The following PRKDC variants were observed in gnomAD, a reference collection of about 807,000 sequenced individuals.
The protein encoded by PRKDC is protein kinase, DNA-activated, catalytic subunit.
PRKDC carries 82 observed loss-of-function variants against 486.9 expected under a neutral mutation model. The observed-to-expected ratio is 0.17, with a 90% CI of 0.14 to 0.20. The LOEUF is 0.20. Among genes scored for constraint, PRKDC ranks in the 10% least tolerant of loss-of-function variants. The pLI is 1.00. For missense variants in PRKDC, 4,504 were observed against 5,038.2 expected, an observed-to-expected ratio of 0.89 and a Z score of 3.21; for synonymous variants, 1,895 against 1,837.0, an observed-to-expected ratio of 1.03 and a Z score of -0.81.
chr8:47,790,286 A>C (rs941649837), intron 74 of PRKDC, among the ~76,000 whole-genome samples: 2 of 152,372 alleles, frequency 1.3e-5, no homozygotes, highest in African/African-American at 2.4e-5. Context: ...AACAGAAATC[A>C]TAGAAGTAAT....
In PRKDC at chr8:47,782,388, T is replaced by C. The variant is rs371730721; in HGVS notation, c.11386A>G (p.Met3796Val). Residue 3796 changes from methionine to valine, a missense_variant, in exon 79 of 86, where the codon ATG becomes GTG. By Grantham distance (21) the Met-to-Val change is conservative. Around this residue, in one of 6 missense-constraint regions of PRKDC, gnomAD observed 706 missense variants for 945.0 expected, o/e 0.75. Coordinates refer to ENST00000314191, the MANE Select transcript of PRKDC (RefSeq NM_006904.7). The surrounding 1 kb of genome is among the most constrained non-coding windows in gnomAD (Gnocchi z 4.9). The part of the protein sequence containing the change: ...LQLRTYSVVP[M>V]TSRLGLIEWL... Reference sequence around the variant, plus strand: ...CAGCCTGGCAGTTACCTGGAGGTCATGGGCACAACGCTATAGGTCCTCAGC... The same window carrying C: ...CAGCCTGGCAGTTACCTGGAGGTCACGGGCACAACGCTATAGGTCCTCAGC... 4 of 1,605,530 alleles carry C rather than the reference T, an allele frequency of 2.5e-6. No homozygotes were observed. Among genetic ancestry groups the C allele is most frequent in the African/African-American group, 2.7e-5 (2 of 74,810 alleles).
Position 47,830,617 on chromosome 8 carries a change from C to G in PRKDC, c.8385G>C (p.Gln2795His), listed in dbSNP as rs777026843. The change falls in exon 61 of 86, where the codon CAG becomes CAC. Residue 2795 changes from glutamine to histidine, a missense_variant. Gln to His is a conservative substitution (Grantham distance 24, BLOSUM62 0). Around this residue, in one of 6 missense-constraint regions of PRKDC, gnomAD observed 1,592 missense variants for 1,724.6 expected, o/e 0.92. Coordinates refer to ENST00000314191, the MANE Select transcript of PRKDC (RefSeq NM_006904.7). ...GGCAAAAACTGACCTGGGCCACGGC[C>G]TGTAACGGGGTGATGAGGCTGCTGT... is the stretch of plus-strand genomic sequence containing the variant. ...IKHSSLITPL[Q>H]AVAQRDPIIA... 12 of 1,613,630 alleles carry G rather than the reference C, an allele frequency of 7.4e-6. No homozygotes were observed. Among genetic ancestry groups the G allele is most frequent in the Non-Finnish European group, 1.0e-5 (12 of 1,179,766 alleles).
intron 24 of PRKDC, 56 bp downstream of exon 24, chr8:47,913,845 A>G: frequency 6.8e-7 from 1 of 1,466,912 alleles, no homozygotes; most frequent in Non-Finnish European, 9.1e-7. Flanking sequence ...CCTAAGCAAT[A>G]TGTATTTTTA....
chr8:47,954,952 G>A (rs890824699), intron 4 of PRKDC, among the ~76,000 whole-genome samples: 15 of 151,854 alleles, frequency 9.9e-5, no homozygotes, highest in Admixed American at 5.9e-4. Context: ...TCAGGAGTTC[G>A]AGACCAGTGT....
chr8:47,896,269 T>C (rs1463705081), intron 30 of PRKDC, among the ~76,000 whole-genome samples: 1 of 151,914 alleles, frequency 6.6e-6, no homozygotes, highest in African/African-American at 2.4e-5. Flanking sequence ...TATGACAAAA[T>C]GTAAAGTCCT....
Position 47,840,102 on chromosome 8 carries a change from G to A in PRKDC, c.7368C>T (p.Asn2456=). ...LKPVELRELL[N]PVVEFVSHPS... ...GATGGGAAACGAATTCCACAACGGG[G>A]TTCAGAAGTTCTCGGAGTTCTACTG... Residue 2456 remains asparagine, a synonymous_variant, in exon 55 of 86, where the codon AAC becomes AAT. Coordinates refer to ENST00000314191, the MANE Select transcript of PRKDC (RefSeq NM_006904.7). The A allele has an allele frequency of 6.3e-7, 1 of 1,587,054 alleles. No individual in the cohort carries two copies. Among genetic ancestry groups the A allele is most frequent in the Non-Finnish European group, 8.6e-7 (1 of 1,164,682 alleles).
intron 54 of PRKDC, among the ~76,000 whole-genome samples, chr8:47,843,790 C>T (rs1171052362): frequency 6.6e-6 from 1 of 152,162 alleles, no homozygotes; most frequent in African/African-American, 2.4e-5. Context: ...AATATCCTGC[C>T]AAACTAAGTT....
At chr8:47,904,715 C>A (rs2089742859) in intron 26 of PRKDC, among the ~76,000 whole-genome samples, 154 bp downstream of exon 26, 1 of 152,172 alleles carries the variant, frequency 6.6e-6, no homozygotes, top group Non-Finnish European at 1.5e-5. Context: ...ATTGCTTGAT[C>A]CTGGGAGGCG....
chr8:47,822,986 C>A (rs1437842694), intron 64 of PRKDC, among the ~76,000 whole-genome samples: 1 of 152,040 alleles, frequency 6.6e-6, no homozygotes. Context: ...GAAATGTAAT[C>A]CTCAATGTCA....
At chr8:47,954,047 T>C (rs776459603) in intron 5 of PRKDC, 128 bp from the exon 6 acceptor site, 2 of 576,058 alleles carry the variant, frequency 3.5e-6, no homozygotes, top group South Asian at 3.0e-5. Flanking sequence ...AGATATAAAA[T>C]ATAAAGCTTT....
chr8:47,781,508 C>T (rs2086698506), intron 80 of PRKDC, among the ~76,000 whole-genome samples: 1 of 152,194 alleles, frequency 6.6e-6, no homozygotes, highest in African/African-American at 2.4e-5. Flanking sequence ...GTCACCCAAA[C>T]CTGTCAACTT....
At chr8:47,837,857 C>A (rs1356219535) in intron 56 of PRKDC, among the ~76,000 whole-genome samples, 1 of 152,088 alleles carries the variant, frequency 6.6e-6, no homozygotes, top group Non-Finnish European at 1.5e-5. Context: ...AATTAGGGGT[C>A]AGGTGCAGTG....
At chr8:47,909,641 G>A (rs2089859322) in intron 25 of PRKDC, among the ~76,000 whole-genome samples, 3 of 152,294 alleles carry the variant, frequency 2.0e-5, no homozygotes, top group Non-Finnish European at 4.4e-5. Context: ...GCCTATAGAC[G>A]GATGTGCAAG....
rs1173797144 is a variant in PRKDC, at chr8:47,929,182, T to A, written c.2053-4A>T. 1 of 1,555,840 alleles carries A rather than the reference T, an allele frequency of 6.4e-7. No homozygotes were observed. The highest frequency in any genetic ancestry group is 8.7e-7 in the Non-Finnish European group (1 of 1,144,388). ...TCAGACTCTTTGGACTAACTCCCTGTCAAATAAAACAGCAAGTTAGTACAC... is the reference window on the plus strand; with the variant it reads ...TCAGACTCTTTGGACTAACTCCCTGACAAATAAAACAGCAAGTTAGTACAC... On this transcript the variant is annotated splice_polypyrimidine_tract_variant and splice_region_variant and intron_variant, in intron 18 of 85. Transcript: ENST00000314191.
At chr8:47,894,011 T>G (rs939484604) in intron 30 of PRKDC, among the ~76,000 whole-genome samples, 2 of 152,290 alleles carry the variant, frequency 1.3e-5, no homozygotes, top group Admixed American at 1.3e-4. Context: ...CCGGGGGTGG[T>G]GGCTCAGGTC....
chr8:47,774,581 C>T (rs1336306688), intron 85 of PRKDC, among the ~76,000 whole-genome samples: 1 of 152,044 alleles, frequency 6.6e-6, no homozygotes, highest in East Asian at 1.9e-4. Flanking sequence ...TGAATGTATG[C>T]CTTCACTTCT....
At position 47,789,204 on chromosome 8, in the gene PRKDC, G is replaced by T. The variant is rs1006345439; in HGVS notation, c.10705C>A (p.Gln3569Lys). 6.2e-7 allele frequency: 1 copy of T among 1,605,868 alleles called. No homozygotes were observed. The highest frequency in any genetic ancestry group is 1.7e-5 in the Admixed American group (1 of 59,084). ...KSKLDQGGVIQDFINALDQLS... is the reference protein window; with the variant it reads ...KSKLDQGGVIKDFINALDQLS... ...TGATCTAAGGCATTAATAAAATCTT[G>T]AATCACTCCTCCTTGATCCAACTTA... The change falls in exon 75 of 86, where the codon CAA becomes AAA. Residue 3569 changes from glutamine to lysine, a missense_variant. Gln to Lys is a moderately conservative substitution (Grantham distance 53, BLOSUM62 1). Transcript: ENST00000314191.
intron 10 of PRKDC, among the ~76,000 whole-genome samples, chr8:47,942,844 C>A (rs1445416995): frequency 1.3e-5 from 2 of 152,248 alleles, no homozygotes; most frequent in East Asian, 3.9e-4. Flanking sequence ...CAAGTTGACA[C>A]ACAAGCATCT....
intron 33 of PRKDC, 78 bp downstream of exon 33, chr8:47,888,936 C>A: frequency 1.4e-6 from 2 of 1,401,152 alleles, no homozygotes; most frequent in Admixed American, 1.9e-5. Context: ...GAAGCAGGAG[C>A]AGCTGCAGGA....
Sources: gnomAD v4.1 joint callset for allele counts (sites outside exome capture counted in the v4.1 genomes callset) on GRCh38, gnomAD v4.1.1 for gene constraint, gnomAD v4.1.1 regional missense constraint, Gnocchi (gnomAD v3.1) non-coding constraint, MANE v1.5 for transcripts, NCBI Gene and HGNC (gene_info 2026-07-23, HGNC 2026-07-21) for gene names.